The following IRAK3 variants were observed in gnomAD, a reference collection of about 807,000 sequenced individuals.
IRAK3 encodes interleukin 1 receptor associated kinase 3, also known as interleukin-1 receptor-associated kinase 3.
In IRAK3, 57 loss-of-function variants were observed where a neutral mutation model predicts 56.6. The ratio of observed to expected loss-of-function variants is 1.01; its 90% CI spans 0.81 to 1.26. IRAK3 has a LOEUF of 1.26. Ranked by LOEUF, IRAK3 falls within the 50% of genes most tolerant of loss-of-function variation. The pLI is 0.00. For missense variants in IRAK3, 703 were observed against 719.0 expected, an observed-to-expected ratio of 0.98 and a Z score of 0.25; for synonymous variants, 258 against 255.7, an observed-to-expected ratio of 1.01 and a Z score of -0.09.
At position 66,217,423 on chromosome 12, in the gene IRAK3, A is replaced by G. The variant is rs564832144; in HGVS notation, c.653+188A>G. 7.9e-4 allele frequency among the ~76,000 whole-genome samples: 121 copies of G among 152,324 alleles called. 1 individual carries two copies. Among genetic ancestry groups the G allele is most frequent in the African/African-American group, 2.7e-3 (113 of 41,590 alleles). Reference sequence around the variant, plus strand: ...GTACATTTTAAAATAGATCATTTACATAATTCACTTGAACATATTTTAACA... The same window carrying G: ...GTACATTTTAAAATAGATCATTTACGTAATTCACTTGAACATATTTTAACA... On this transcript the variant is annotated intron_variant, in intron 6 of 11. Transcript: ENST00000261233.
At position 66,228,288 on chromosome 12, in the gene IRAK3, G is replaced by C. The variant is rs35823766; in HGVS notation, c.805G>C (p.Gly269Arg). ...CCCACTCCCTTGGCACATTCGAATC[G>C]GTATATTAATAGGAATATCCAAAGC... is the stretch of plus-strand genomic sequence containing the variant. Reference protein sequence around the residue: ...TAPLPWHIRIGILIGISKAIH... With the variant: ...TAPLPWHIRIRILIGISKAIH... Residue 269 changes from glycine to arginine, a missense_variant, in exon 8 of 12, where the codon GGT becomes CGT. Coordinates refer to ENST00000261233, the MANE Select transcript of IRAK3 (RefSeq NM_007199.3). The C allele has an allele frequency of 2.3e-5, 37 of 1,613,890 alleles. No individual in the cohort carries two copies. The highest frequency in any genetic ancestry group is 3.1e-5 in the Non-Finnish European group (36 of 1,179,974).
At position 66,228,274 on chromosome 12, in the gene IRAK3, G is replaced by A. The variant is rs765412194; in HGVS notation, c.791G>A (p.Trp264Ter). The change falls in exon 8 of 12, where the codon TGG becomes TAG. Residue 264 changes from tryptophan to a stop codon, truncating the protein, a stop_gained. Coordinates refer to ENST00000261233, the MANE Select transcript of IRAK3 (RefSeq NM_007199.3). LOFTEE classifies it high-confidence loss of function. ...QCVGDTAPLP[W>*]HIRIGILIGI... ...TAGGGTGACACGGCCCCACTCCCTT[G>A]GCACATTCGAATCGGTATATTAATA... 8.1e-6 allele frequency: 13 copies of A among 1,613,824 alleles called. No homozygotes were observed. The East Asian group carries it at 2.9e-4, about 36-fold the overall frequency.
At chr12:66,200,556 T>C (rs1016260764) in intron 1 of IRAK3, among the ~76,000 whole-genome samples, 2 of 152,130 alleles carry the variant, frequency 1.3e-5, no homozygotes, top group Non-Finnish European at 2.9e-5. Context: ...TTTTAGCTCA[T>C]AGAAAGAGGG....
At chr12:66,209,585 A>G in intron 3 of IRAK3, 65 bp downstream of exon 3, 1 of 1,028,006 alleles carries the variant, frequency 9.7e-7, no homozygotes. Context: ...AGCATAAGGA[A>G]TGAAATTAGC....
At chr12:66,197,706 G>T (rs2052468181) in intron 1 of IRAK3, 3 of 985,242 alleles carry the variant, frequency 3.0e-6, no homozygotes, top group Non-Finnish European at 3.6e-6. Flanking sequence ...CCTTAGATGT[G>T]ATGCAAACTC....
chr12:66,241,358 G>A (rs1050215448), intron 8 of IRAK3, among the ~76,000 whole-genome samples: 3 of 152,122 alleles, frequency 2.0e-5, no homozygotes, highest in Non-Finnish European at 4.4e-5. Flanking sequence ...CTCTTTGGTG[G>A]CCACAGTTGC....
intron 6 of IRAK3, among the ~76,000 whole-genome samples, chr12:66,226,272 G>C (rs140156327): frequency 6.7e-6 from 1 of 149,814 alleles, no homozygotes; most frequent in Non-Finnish European, 1.5e-5. Context: ...GTGGAGTCTC[G>C]CTCTTGTCGC....
intron 7 of IRAK3, among the ~76,000 whole-genome samples, chr12:66,227,972 A>G (rs763991037): frequency 1.3e-5 from 2 of 152,202 alleles, no homozygotes; most frequent in Non-Finnish European, 2.9e-5. Context: ...TATTTAATGA[A>G]CTTTTAAGCA....
At chr12:66,222,184 T>C (rs950077563) in intron 6 of IRAK3, among the ~76,000 whole-genome samples, 4 of 152,252 alleles carry the variant, frequency 2.6e-5, no homozygotes, top group Non-Finnish European at 5.9e-5. Flanking sequence ...AATGCTGGCC[T>C]ACTAAAATAA....
chr12:66,211,271 G>C (rs1592583644), intron 4 of IRAK3, among the ~76,000 whole-genome samples, 175 bp from the exon 5 acceptor site: 1 of 152,180 alleles, frequency 6.6e-6, no homozygotes, highest in East Asian at 1.9e-4. Flanking sequence ...GGAATGGTGG[G>C]AACTAGATCC....
chr12:66,199,076 G>GA (rs932953560), intron 1 of IRAK3, among the ~76,000 whole-genome samples: 1 of 152,166 alleles, frequency 6.6e-6, no homozygotes, highest in African/African-American at 2.4e-5. Context: ...TGTTCTAATA[G>GA]AAAATGTGGA....
rs1378382143 is a variant in IRAK3 at position 66,215,804 on chromosome 12, A to G, written c.589-1367A>G. On this transcript the variant is annotated intron_variant, in intron 5 of 11. Transcript: ENST00000261233. ...CCAACATGCACACACACACACACACACACACACACACACACACACACACAC... is the reference window on the plus strand; with the variant it reads ...CCAACATGCACACACACACACACACGCACACACACACACACACACACACAC... Among the ~76,000 whole-genome samples, 374 of 68,448 alleles carry G rather than the reference A, an allele frequency of 5.5e-3. 6 individuals are homozygous for G. Among genetic ancestry groups the G allele is most frequent in the African/African-American group, 0.02 (354 of 17,970 alleles). The allele number at this position is 68,448 out of a possible 152,430, so 44.9% of individuals were successfully genotyped here. A position where few individuals can be genotyped will look rare whatever the true frequency, so the allele number is the denominator to read the frequency against.
intron 8 of IRAK3, chr12:66,234,815 A>G (rs528803561): frequency 1.2e-6 from 2 of 1,602,076 alleles, no homozygotes; most frequent in East Asian, 4.5e-5. Context: ...TGGTTTGAGC[A>G]TATTTTCTAG....
chr12:66,190,094 C>A (rs78141714), intron 1 of IRAK3, among the ~76,000 whole-genome samples: 1 of 152,126 alleles, frequency 6.6e-6, no homozygotes, highest in Non-Finnish European at 1.5e-5. Flanking sequence ...AGAGATAATT[C>A]GGACAAAAAT....
chr12:66,234,738 C>G (rs895530646), intron 8 of IRAK3: 2 of 1,597,034 alleles, frequency 1.3e-6, no homozygotes, highest in Non-Finnish European at 1.7e-6. Flanking sequence ...TCCGTCCTAG[C>G]AAAGCCAACA....
At chr12:66,207,893 A>G (rs1185573166) in intron 2 of IRAK3, among the ~76,000 whole-genome samples, 3 of 152,140 alleles carry the variant, frequency 2.0e-5, no homozygotes, top group Non-Finnish European at 1.5e-5. Context: ...TAGACTTTGT[A>G]TGATTTTAAT....
intron 6 of IRAK3, among the ~76,000 whole-genome samples, chr12:66,218,595 G>T (rs935786872): frequency 2.0e-5 from 3 of 152,136 alleles, no homozygotes; most frequent in African/African-American, 7.2e-5. Context: ...TCGCCAATCT[G>T]ATAGGTGAAA....
chr12:66,221,023 T>C (rs1322421501), intron 6 of IRAK3, among the ~76,000 whole-genome samples: 1 of 152,232 alleles, frequency 6.6e-6, no homozygotes, highest in Non-Finnish European at 1.5e-5. Flanking sequence ...TTCCATTTAT[T>C]TGTGTCTTCT....
At chr12:66,217,306 C>T (rs757436854) in intron 6 of IRAK3, 71 bp downstream of exon 6, 42 of 1,102,628 alleles carry the variant, frequency 3.8e-5, no homozygotes, top group South Asian at 4.9e-5. Flanking sequence ...TTTTATTTTA[C>T]AGCACAGAGC....
Sources: gnomAD v4.1 joint callset for allele counts (sites outside exome capture counted in the v4.1 genomes callset) on GRCh38, gnomAD v4.1.1 for gene constraint, MANE v1.5 for transcripts, NCBI Gene and HGNC (gene_info 2026-07-23, HGNC 2026-07-21) for gene names.